ICA1: variants seen among roughly 807,000 people sequenced by gnomAD.
ICA1 encodes the protein islet cell autoantigen 1, also known as 69 kDa islet cell autoantigen.
Under a neutral mutation model 71.0 loss-of-function variants are expected in ICA1, and 40 were observed. The ratio of observed to expected loss-of-function variants is 0.56; its 90% CI spans 0.44 to 0.73. The LOEUF is 0.73. Ranked by LOEUF, ICA1 falls within the 30% of genes least tolerant of loss-of-function variation. The pLI is 0.00. For synonymous variants in ICA1, 207 were observed against 209.5 expected (o/e 0.99, Z 0.10); for missense variants, 578 against 576.5 (o/e 1.00, Z -0.03).
chr7:8,202,841 A>G (rs898739020), intron 6 of ICA1, among the ~76,000 whole-genome samples: 2 of 147,032 alleles, frequency 1.4e-5, no homozygotes, highest in Admixed American at 6.9e-5. Context: ...TCCTAAGAGG[A>G]AGAACCAGCT....
At chr7:8,260,492 C>T (rs1010012727) in intron 1 of ICA1, among the ~76,000 whole-genome samples, 1 of 152,176 alleles carries the variant, frequency 6.6e-6, no homozygotes, top group Admixed American at 6.5e-5. Flanking sequence ...AACATCAGGT[C>T]TCTCCACAAA....
At chr7:8,202,991 G>T (rs1417295507) in intron 6 of ICA1, among the ~76,000 whole-genome samples, 6 of 152,078 alleles carry the variant, frequency 3.9e-5, no homozygotes, top group African/African-American at 1.5e-4. Flanking sequence ...GATTAACATG[G>T]GTACATTAAC....
chr7:8,144,047 G>A lies in ICA1; in HGVS notation c.805-75C>T. ...ATAGAGACAAAAAAAAGAAAAGAAA[G>A]GTTATCAATTAAAAAATTCAACTGC... On this transcript the variant is annotated intron_variant, in intron 8 of 13. Transcript: ENST00000402384. The surrounding 1 kb of genome is among the most constrained non-coding windows in gnomAD (Gnocchi z 4.5). The A allele has an allele frequency of 8.1e-6, 7 of 868,754 alleles. No individual in the cohort carries two copies. Among genetic ancestry groups the A allele is most frequent in the Non-Finnish European group, 1.2e-5 (7 of 562,208 alleles). 53.8% of individuals were successfully genotyped at this position (868,754 alleles called of 1,614,324 possible). A position where few individuals can be genotyped will look rare whatever the true frequency, so the allele number is the denominator to read the frequency against.
intron 6 of ICA1, among the ~76,000 whole-genome samples, chr7:8,178,591 A>T (rs560552530): frequency 3.8e-4 from 52 of 138,422 alleles, no homozygotes; most frequent in African/African-American, 1.2e-3. Flanking sequence ...TTTTTTTTTT[A>T]AAAAAGAAGA....
At position 8,144,602 on chromosome 7, in the gene ICA1, T is replaced by C. The variant is rs1796265336; in HGVS notation, c.805-630A>G. Among the ~76,000 whole-genome samples, 1 of 151,504 alleles carries C rather than the reference T, an allele frequency of 6.6e-6. No individual in the cohort carries two copies. Among genetic ancestry groups the C allele is most frequent in the Non-Finnish European group, 1.5e-5 (1 of 67,920 alleles). ...AGTCTTCTTTTGGCACATCATTTGT[T>C]GGAGTTACTATTTTCAAGGTTAACT... is the stretch of plus-strand genomic sequence containing the variant. On this transcript the variant is annotated intron_variant, in intron 8 of 13. Coordinates refer to ENST00000402384, the MANE Select transcript of ICA1 (RefSeq NM_001136020.3). The surrounding 1 kb of genome is among the most constrained non-coding windows in gnomAD (Gnocchi z 4.5).
At chr7:8,152,785 T>TCCTC (rs1799736039) in intron 8 of ICA1, among the ~76,000 whole-genome samples, 2 of 81,600 alleles carry the variant, frequency 2.5e-5, no homozygotes, top group Non-Finnish European at 2.6e-5. Flanking sequence ...ACTATCACCA[T>TCCTC]CACCATCACC....
At chr7:8,192,892 C>T (rs1266719587) in intron 6 of ICA1, among the ~76,000 whole-genome samples, 2 of 152,224 alleles carry the variant, frequency 1.3e-5, no homozygotes, top group Admixed American at 6.5e-5. Flanking sequence ...CTGGCTCCAG[C>T]GTCATTTTGA....
chr7:8,176,663 A>G (rs551209966), intron 6 of ICA1, among the ~76,000 whole-genome samples: 14 of 152,336 alleles, frequency 9.2e-5, no homozygotes, highest in Non-Finnish European at 1.5e-5. Context: ...TTTTCCCACT[A>G]CATAGTACTG....
Position 8,138,862 on chromosome 7 carries a change from TA to T in ICA1, c.1037del (p.Leu346Ter). The T allele has an allele frequency of 6.2e-7, 1 of 1,606,516 alleles. No individual in the cohort carries two copies. Among genetic ancestry groups the T allele is most frequent in the Non-Finnish European group, 8.5e-7 (1 of 1,173,634 alleles). On this transcript the variant is annotated frameshift_variant, in exon 12 of 14. Transcript: ENST00000402384. LOFTEE classifies it high-confidence loss of function. The part of the protein sequence containing the change: ...TACSGPIDEL[L>X]DMKSEEGACL... ...TACCACCTTCCTCAGATTTCATGTC[TA>T]ATAGTTCATCTATGGGTCCTTTAGA...
At chr7:8,155,542 T>C (rs1409634849) in intron 8 of ICA1, among the ~76,000 whole-genome samples, 3 of 152,130 alleles carry the variant, frequency 2.0e-5, no homozygotes, top group Non-Finnish European at 4.4e-5. Context: ...ATGCCTGAAG[T>C]TCTTCTGAAT....
chr7:8,189,435 C>T (rs1010043717), intron 6 of ICA1, among the ~76,000 whole-genome samples: 38 of 152,296 alleles, frequency 2.5e-4, no homozygotes, highest in African/African-American at 7.9e-4. Context: ...AACACACAGG[C>T]GGATTCTTTC....
At chr7:8,116,697 TA>T (rs1784900718) in intron 13 of ICA1, 1 of 152,126 alleles carries the variant, frequency 6.6e-6, no homozygotes, top group Non-Finnish European at 1.5e-5. Context: ...GGGAAAAGCT[TA>T]AAAAAGAGAA....
intron 1 of ICA1, among the ~76,000 whole-genome samples, chr7:8,257,111 A>G (rs1040652320): frequency 1.3e-5 from 2 of 152,204 alleles, no homozygotes; most frequent in African/African-American, 4.8e-5. Context: ...TCCCCCAATC[A>G]CAGGCTTAGG....
At chr7:8,259,164 C>T (rs1482479334) in intron 1 of ICA1, among the ~76,000 whole-genome samples, 1 of 152,206 alleles carries the variant, frequency 6.6e-6, no homozygotes, top group Non-Finnish European at 1.5e-5. Context: ...CAGGTTACAG[C>T]ATTGCTTCTC....
chr7:8,122,327 TGAG>T (rs1346219743), intron 13 of ICA1, among the ~76,000 whole-genome samples: 1 of 152,242 alleles, frequency 6.6e-6, no homozygotes, highest in African/African-American at 2.4e-5. Flanking sequence ...GAAGCCATGC[TGAG>T]GAGTTTAGAC....
At chr7:8,187,305 A>G (rs747294608) in intron 6 of ICA1, among the ~76,000 whole-genome samples, 3 of 152,226 alleles carry the variant, frequency 2.0e-5, no homozygotes, top group Non-Finnish European at 4.4e-5. Flanking sequence ...TGTACTGAAT[A>G]CTGTAGGCAA....
intron 4 of ICA1, among the ~76,000 whole-genome samples, chr7:8,224,730 C>T (rs1273738595): frequency 6.6e-6 from 1 of 152,200 alleles, no homozygotes; most frequent in East Asian, 1.9e-4. Flanking sequence ...TCTAGGGTCT[C>T]ACCTGGCACC....
At chr7:8,115,838 C>T (rs764486144) in intron 13 of ICA1, among the ~76,000 whole-genome samples, 7 of 152,186 alleles carry the variant, frequency 4.6e-5, no homozygotes, top group Non-Finnish European at 8.8e-5. Flanking sequence ...TTGAAATGAC[C>T]TCTTTTGACA....
intron 6 of ICA1, among the ~76,000 whole-genome samples, chr7:8,200,338 C>CAA (rs34371233): frequency 0.52 from 34,935 of 67,688 alleles, 11,479 homozygotes; most frequent in South Asian, 0.73. Context: ...CACAGTTGAG[C>CAA]AAAAAAAAAA....
Sources: gnomAD v4.1 joint callset for allele counts (sites outside exome capture counted in the v4.1 genomes callset) on GRCh38, gnomAD v4.1.1 for gene constraint, Gnocchi (gnomAD v3.1) non-coding constraint, MANE v1.5 for transcripts, NCBI Gene and HGNC (gene_info 2026-07-23, HGNC 2026-07-21) for gene names.